Variants in CNTNAP2 observed in about 807,000 individuals in gnomAD.
The protein encoded by CNTNAP2 is contactin associated protein 2.
In CNTNAP2, 98 loss-of-function variants were observed where a neutral mutation model predicts 155.2. The observed-to-expected ratio is 0.63, with a 90% CI of 0.54 to 0.75. The LOEUF is 0.75. CNTNAP2 is among the 30% of genes least tolerant of loss of function. The pLI is 0.00. For missense variants in CNTNAP2, 1,727 were observed against 1,688.1 expected (o/e 1.02, Z -0.40); for synonymous variants, 651 against 631.2 (o/e 1.03, Z -0.47).
intron 9 of CNTNAP2, among the ~76,000 whole-genome samples, chr7:147,325,418 A>C (rs1178239109): frequency 1.3e-5 from 2 of 152,214 alleles, no homozygotes; most frequent in Non-Finnish European, 2.9e-5. Flanking sequence ...TGCCTCTGTG[A>C]AACTAGACTG....
At chr7:146,740,795 AGCCCACAGCCTCTGAGAATT>A (rs781327862) in intron 1 of CNTNAP2, among the ~76,000 whole-genome samples, 7 of 151,460 alleles carry the variant, frequency 4.6e-5, no homozygotes, top group Non-Finnish European at 1.0e-4. Flanking sequence ...TTTGGCTGGA[AGCCCACAGCCTCTGAGAATT>A]GCTTGCTCCT....
intron 13 of CNTNAP2, among the ~76,000 whole-genome samples, chr7:147,793,342 C>A (rs1477232039): frequency 6.6e-6 from 1 of 152,016 alleles, no homozygotes; most frequent in Admixed American, 6.6e-5. Context: ...TGTCTTTAAT[C>A]CACTTGAATT....
intron 8 of CNTNAP2, among the ~76,000 whole-genome samples, chr7:147,163,260 G>C (rs1270488372): frequency 6.6e-6 from 1 of 152,052 alleles, no homozygotes; most frequent in Admixed American, 6.6e-5. Flanking sequence ...CATAAAAGAA[G>C]AACAACAACA....
chr7:147,053,085 G>T (rs962034425), intron 4 of CNTNAP2, among the ~76,000 whole-genome samples: 1 of 152,000 alleles, frequency 6.6e-6, no homozygotes, highest in Non-Finnish European at 1.5e-5. Context: ...ATGACTTCCT[G>T]GTCTGTACAT....
chr7:147,609,186 A>AAAAC (rs752345202), intron 12 of CNTNAP2, among the ~76,000 whole-genome samples: 2 of 152,248 alleles, frequency 1.3e-5, no homozygotes, highest in African/African-American at 2.4e-5. Context: ...TGCAAAAGTT[A>AAAAC]AAACAAACAA....
intron 3 of CNTNAP2, among the ~76,000 whole-genome samples, chr7:146,896,240 C>T (rs898076959): frequency 2.0e-5 from 3 of 152,036 alleles, no homozygotes; most frequent in Non-Finnish European, 2.9e-5. Flanking sequence ...AAAACAGGCT[C>T]ATTTATTATC....
intron 4 of CNTNAP2, among the ~76,000 whole-genome samples, chr7:147,078,953 GT>G (rs778446380): frequency 1.3e-5 from 2 of 151,978 alleles, no homozygotes; most frequent in Non-Finnish European, 2.9e-5. Context: ...GTTTCACCAT[GT>G]TGGCCAGGTT....
chr7:146,401,062 G>A lies in CNTNAP2; in HGVS notation c.97+284089G>A, dbSNP rs531396706. ...TTCCAGAACACATTTAAGAAGTTAC[G>A]AAAAGGGCTATAGATGAAGAACAAA... On this transcript the variant is annotated intron_variant, in intron 1 of 23. Transcript: ENST00000361727. Among the ~76,000 whole-genome samples the A allele has an allele frequency of 5.3e-5, 8 of 152,240 alleles. No individual in the cohort carries two copies. In the South Asian group the frequency reaches 6.2e-4, roughly 12 times the overall value.
At chr7:147,975,534 G>A (rs1031335486) in intron 14 of CNTNAP2, among the ~76,000 whole-genome samples, 1 of 151,988 alleles carries the variant, frequency 6.6e-6, no homozygotes, top group Non-Finnish European at 1.5e-5. Flanking sequence ...ATGCTGGAAG[G>A]GTTAAACAAT....
intron 1 of CNTNAP2, among the ~76,000 whole-genome samples, chr7:146,499,484 G>A (rs1229003166): frequency 6.6e-6 from 1 of 152,140 alleles, no homozygotes; most frequent in East Asian, 1.9e-4. Context: ...TTTTAAATTG[G>A]AAACTGTGAG....
chr7:146,733,680 T>C (rs929103759), intron 1 of CNTNAP2, among the ~76,000 whole-genome samples: 1 of 151,820 alleles, frequency 6.6e-6, no homozygotes, highest in African/African-American at 2.4e-5. Flanking sequence ...GGATGTGCAG[T>C]CATGGAGGAA....
chr7:146,220,597 T>G (rs1799191512), intron 1 of CNTNAP2, among the ~76,000 whole-genome samples: 3 of 152,216 alleles, frequency 2.0e-5, no homozygotes, highest in Non-Finnish European at 2.9e-5. Flanking sequence ...TGAATTGGAT[T>G]ATACACTAGA....
At chr7:147,360,623 A>G (rs1796133080) in intron 9 of CNTNAP2, among the ~76,000 whole-genome samples, 4 of 151,652 alleles carry the variant, frequency 2.6e-5, no homozygotes, top group Admixed American at 2.6e-4. Flanking sequence ...CCTTTCTACC[A>G]TAAATATTTC....
intron 10 of CNTNAP2, among the ~76,000 whole-genome samples, chr7:147,434,775 C>T (rs1444442260): frequency 3.3e-5 from 5 of 152,218 alleles, no homozygotes; most frequent in Non-Finnish European, 7.3e-5. Context: ...GAAGTCACAG[C>T]ACTTTAAGTA....
intron 18 of CNTNAP2, among the ~76,000 whole-genome samples, chr7:148,204,405 A>C (rs1795413967): frequency 6.6e-6 from 1 of 152,234 alleles, no homozygotes. Flanking sequence ...AAATATTACA[A>C]AAGATATGTA....
intron 3 of CNTNAP2, among the ~76,000 whole-genome samples, chr7:147,019,346 G>A (rs181695079): frequency 1.3e-5 from 2 of 151,986 alleles, no homozygotes; most frequent in East Asian, 1.9e-4. Context: ...ATAGTTGACC[G>A]AATGTTAACT....
chr7:147,280,277 C>T (rs1211009251), intron 8 of CNTNAP2, among the ~76,000 whole-genome samples: 1 of 151,806 alleles, frequency 6.6e-6, no homozygotes, highest in East Asian at 1.9e-4. Flanking sequence ...GAGGCTTTTA[C>T]AGGAAAACAA....
At chr7:147,054,267 A>T (rs775894629) in intron 4 of CNTNAP2, among the ~76,000 whole-genome samples, 3 of 152,188 alleles carry the variant, frequency 2.0e-5, no homozygotes, top group Non-Finnish European at 4.4e-5. Context: ...AGTACTGTGC[A>T]TTCTACATGT....
chr7:146,969,509 T>C (rs1797735527), intron 3 of CNTNAP2, among the ~76,000 whole-genome samples: 1 of 152,140 alleles, frequency 6.6e-6, no homozygotes, highest in Admixed American at 6.6e-5. Flanking sequence ...ATTGGGTGCA[T>C]ATATATTTAG....
Sources: gnomAD v4.1 joint callset for allele counts (sites outside exome capture counted in the v4.1 genomes callset) on GRCh38, gnomAD v4.1.1 for gene constraint, MANE v1.5 for transcripts, NCBI Gene and HGNC (gene_info 2026-07-23, HGNC 2026-07-21) for gene names.